The following UBN2 variants were observed in gnomAD, a reference collection of about 807,000 sequenced individuals.
The protein encoded by UBN2 is ubinuclein 2, also known as ubinuclein-2.
In UBN2, 35 loss-of-function variants were observed where a neutral mutation model predicts 120.2. The ratio of observed to expected loss-of-function variants is 0.29; its 90% confidence interval spans 0.22 to 0.39. The LOEUF is 0.39. Among genes scored for constraint, UBN2 ranks in the 10% least tolerant of loss-of-function variants. UBN2 has a pLI of 1.00. For synonymous variants in UBN2, 661 were observed against 648.7 expected, an observed-to-expected ratio of 1.02 and a Z score of -0.29; for missense variants, 1,693 against 1,663.2, an observed-to-expected ratio of 1.02 and a Z score of -0.31.
At chr7:139,259,631 T>C (rs116384788) in intron 5 of UBN2, among the ~76,000 whole-genome samples, 2,709 of 152,318 alleles carry the variant, frequency 0.018, 92 homozygotes, top group African/African-American at 0.063. Context: ...AAAGATATTA[T>C]AAACATTGAA....
chr7:139,315,351 CTG>C, the UBN2 span: 1 of 152,182 alleles, frequency 6.6e-6, no homozygotes, highest in African/African-American at 2.4e-5. Context: ...GTGCTAATCT[CTG>C]TATCATTCCA....
chr7:139,288,312 A>T (rs1563226172), intron 15 of UBN2, among the ~76,000 whole-genome samples: 1 of 152,232 alleles, frequency 6.6e-6, no homozygotes, highest in African/African-American at 2.4e-5. Flanking sequence ...AACGTAAAAA[A>T]GGTTAAGAAG....
chr7:139,310,113 G>T (rs1299148614), downstream of UBN2, among the ~76,000 whole-genome samples: 2 of 152,160 alleles, frequency 1.3e-5, no homozygotes, highest in Non-Finnish European at 2.9e-5. Context: ...GGAAAGAAAG[G>T]AATGTATTTC....
At chr7:139,286,522 C>G (rs1416667296) in intron 15 of UBN2, among the ~76,000 whole-genome samples, 1 of 151,896 alleles carries the variant, frequency 6.6e-6, no homozygotes, top group African/African-American at 2.4e-5. Context: ...TCATTGAAGG[C>G]AAATTTAGAA....
intron 6 of UBN2, among the ~76,000 whole-genome samples, chr7:139,261,948 C>CTTTTT (rs72000087): frequency 4.5e-5 from 6 of 131,948 alleles, no homozygotes; most frequent in Admixed American, 7.5e-5. Flanking sequence ...TTCTTTCTTT[C>CTTTTT]TTTTTTTTTT....
Position 139,298,169 on chromosome 7 carries a change from G to C in UBN2, c.*333G>C. 1 of 255,098 alleles carries C rather than the reference G, an allele frequency of 3.9e-6. No homozygotes were observed. The highest frequency in any genetic ancestry group is 7.5e-6 in the Non-Finnish European group (1 of 133,300). 15.8% of individuals were successfully genotyped at this position (255,098 alleles called of 1,614,324 possible). ...CGGGGGAGGAAGAAGGAAGTGAAGA[G>C]AATTTGGGTAAACTCCATCCATCCT... On this transcript the variant is annotated 3_prime_UTR_variant, in exon 18 of 18. Transcript: ENST00000473989.
chr7:139,272,545 G>A, intron 9 of UBN2, 105 bp downstream of exon 9: 2 of 718,242 alleles, frequency 2.8e-6, no homozygotes, highest in South Asian at 2.3e-5. Flanking sequence ...TATGTATTTT[G>A]AGACGGAATC....
chr7:139,238,021 T>G (rs1796212658), intron 2 of UBN2, among the ~76,000 whole-genome samples: 1 of 152,214 alleles, frequency 6.6e-6, no homozygotes, highest in Non-Finnish European at 1.5e-5. Context: ...TTAAGTTGCT[T>G]AACATTTTTC....
the UBN2 span, among the ~76,000 whole-genome samples, chr7:139,328,608 T>C: frequency 6.6e-6 from 1 of 152,162 alleles, no homozygotes; most frequent in Non-Finnish European, 1.5e-5. Context: ...ATCTAGCTTG[T>C]ACTGGGAAAG....
At chr7:139,312,202 C>CTA (rs1350331079), downstream of UBN2, among the ~76,000 whole-genome samples, 1 of 152,236 alleles carries the variant, frequency 6.6e-6, no homozygotes, top group Non-Finnish European at 1.5e-5. Flanking sequence ...AGGCACCACT[C>CTA]TAACTTTTTT....
the UBN2 span, among the ~76,000 whole-genome samples, chr7:139,321,433 G>C: frequency 0.033 from 4,998 of 152,310 alleles, 244 homozygotes; most frequent in African/African-American, 0.11. Context: ...CGTGGACTGG[G>C]ATTTGACTCC....
At chr7:139,258,907 A>G (rs1796845677) in intron 4 of UBN2, among the ~76,000 whole-genome samples, 1 of 152,210 alleles carries the variant, frequency 6.6e-6, no homozygotes, top group Non-Finnish European at 1.5e-5. Context: ...GGTTAATATT[A>G]ATAGCTGTTA....
At chr7:139,295,516 A>G (rs981322033) in intron 17 of UBN2, among the ~76,000 whole-genome samples, 2 of 152,354 alleles carry the variant, frequency 1.3e-5, no homozygotes, top group African/African-American at 4.8e-5. Context: ...AAAAGACCCC[A>G]GTGTTCGCTC....
intron 2 of UBN2, among the ~76,000 whole-genome samples, chr7:139,250,444 G>A (rs1796593183): frequency 6.6e-6 from 1 of 151,878 alleles, no homozygotes; most frequent in South Asian, 2.1e-4. Flanking sequence ...ATTTTGGCCA[G>A]GCTGGTCTCG....
rs746880971 is a variant in UBN2, at chr7:139,261,686, C to T, written c.1340C>T (p.Thr447Ile). Reference sequence around the variant, plus strand: ...CAGGTTATGCCCAAAGTGGTACCTACACTCCCAGAGGGTCTACCTGTACTT... The same window carrying T: ...CAGGTTATGCCCAAAGTGGTACCTATACTCCCAGAGGGTCTACCTGTACTT... Reference protein sequence around the residue: ...TSQVMPKVVPTLPEGLPVLLE... With the variant: ...TSQVMPKVVPILPEGLPVLLE... The change falls in exon 6 of 18, where the codon ACA (threonine) becomes ATA (isoleucine). Residue 447 changes from threonine (T) to isoleucine (I), a missense_variant. Thr to Ile is a moderately conservative substitution (Grantham distance 89, BLOSUM62 -1). Around this residue, in one of 5 missense-constraint regions of UBN2, gnomAD observed 663 missense variants for 591.2 expected, o/e 1.12. Transcript: ENST00000473989. 1.8e-5 allele frequency: 29 copies of T among 1,614,064 alleles called. No individual in the cohort carries two copies. Among genetic ancestry groups the T allele is most frequent in the Non-Finnish European group, 8.5e-7 (1 of 1,180,028 alleles).
downstream of UBN2, among the ~76,000 whole-genome samples, chr7:139,308,415 A>G (rs763373311): frequency 6.6e-6 from 1 of 152,144 alleles, no homozygotes; most frequent in Non-Finnish European, 1.5e-5. Flanking sequence ...AAGTTAAAAG[A>G]TAATGGTTCA....
chr7:139,240,658 C>T (rs1485562392), intron 2 of UBN2, among the ~76,000 whole-genome samples: 1 of 151,810 alleles, frequency 6.6e-6, no homozygotes, highest in East Asian at 1.9e-4. Flanking sequence ...TCAGAAATTA[C>T]AGGGAGTATA....
At chr7:139,288,970 C>G (rs575594590) in intron 15 of UBN2, among the ~76,000 whole-genome samples, 1 of 147,572 alleles carries the variant, frequency 6.8e-6, no homozygotes, top group South Asian at 2.2e-4. Context: ...CCACTGCAGT[C>G]CAGCCTGGCA....
intron 1 of UBN2, among the ~76,000 whole-genome samples, chr7:139,234,391 AC>A (rs772628176): frequency 2.6e-5 from 4 of 152,100 alleles, no homozygotes; most frequent in Non-Finnish European, 5.9e-5. Flanking sequence ...GAACAGTAAA[AC>A]CCTGATTTAC....
Sources: gnomAD v4.1 joint callset for allele counts (sites outside exome capture counted in the v4.1 genomes callset) on GRCh38, gnomAD v4.1.1 for gene constraint, gnomAD v4.1.1 regional missense constraint, MANE v1.5 for transcripts, NCBI Gene and HGNC (gene_info 2026-07-23, HGNC 2026-07-21) for gene names.